Variants in SACM1L observed in about 807,000 individuals in gnomAD.
The protein encoded by SACM1L is phosphatidylinositol-3-phosphatase SAC1.
A neutral mutation model predicts 89.5 loss-of-function variants in SACM1L; 32 were observed. That is an observed-to-expected ratio of 0.36 (90% CI 0.27 to 0.48). The LOEUF (loss-of-function observed/expected upper bound fraction) is 0.48, where lower values mean the gene tolerates loss of function less well. SACM1L is among the 20% of genes least tolerant of loss of function. The pLI is 0.99. For missense variants in SACM1L, 543 were observed against 708.5 expected (o/e 0.77, Z 2.65); for synonymous variants, 213 against 232.8 (o/e 0.92, Z 0.77).
At chr3:45,697,268 CCT>C (rs1559535257) in intron 1 of SACM1L, among the ~76,000 whole-genome samples, 1 of 110,612 alleles carries the variant, frequency 9.0e-6, no homozygotes, top group Non-Finnish European at 1.8e-5. Context: ...CTTTTCTTTT[CCT>C]TTTTTTTTTT....
intron 11 of SACM1L, among the ~76,000 whole-genome samples, chr3:45,730,421 C>G (rs1322372223): frequency 6.6e-6 from 1 of 151,334 alleles, no homozygotes; most frequent in African/African-American, 2.4e-5. Flanking sequence ...TCACTGAGGT[C>G]TGTTCCTTTT....
In SACM1L at chr3:45,709,067, A is replaced by C. The variant is rs924978788; in HGVS notation, c.334-431A>C. Among the ~76,000 whole-genome samples, 23 of 152,272 alleles carry C rather than the reference A, an allele frequency of 1.5e-4. No homozygotes were observed. In the South Asian group the frequency reaches 4.8e-3, roughly 32 times the overall value. ...TAGTATCTTGTTATTTGCTGTTTGC[A>C]TTATTGGGCCCGTCGTAAATTTATG... On this transcript the variant is annotated intron_variant, in intron 4 of 19. Coordinates refer to ENST00000389061, the MANE Select transcript of SACM1L (RefSeq NM_014016.5).
At chr3:45,698,282 T>C (rs759722697) in intron 1 of SACM1L, among the ~76,000 whole-genome samples, 10 of 152,228 alleles carry the variant, frequency 6.6e-5, no homozygotes, top group Non-Finnish European at 1.3e-4. Flanking sequence ...CCTGCTGTTA[T>C]GGTTAACAGA....
intron 7 of SACM1L, among the ~76,000 whole-genome samples, 162 bp downstream of exon 7, chr3:45,714,241 G>GT (rs71619608): frequency 5.5e-4 from 5 of 9,134 alleles, no homozygotes; most frequent in Non-Finnish European, 1.0e-3. Context: ...TATTTTGTTT[G>GT]TTTTTTTTTT....
chr3:45,702,310 A>G (rs1038838390), intron 1 of SACM1L, among the ~76,000 whole-genome samples: 1 of 152,228 alleles, frequency 6.6e-6, no homozygotes, highest in Non-Finnish European at 1.5e-5. Flanking sequence ...AATGATGTCC[A>G]TGATGGTTGT....
At chr3:45,690,683 T>A (rs1409945453) in intron 1 of SACM1L, among the ~76,000 whole-genome samples, 1 of 152,212 alleles carries the variant, frequency 6.6e-6, no homozygotes, top group Non-Finnish European at 1.5e-5. Context: ...CTGTTTACTG[T>A]AATGTTCTTT....
rs760047046 is a variant in SACM1L, at chr3:45,719,494, G to C, written c.578-6G>C. 5.3e-6 allele frequency: 8 copies of C among 1,509,414 alleles called. No homozygotes were observed. The African/African-American group carries it at 6.9e-5, about 13-fold the overall frequency. 93.5% of individuals were successfully genotyped at this position (1,509,414 alleles called of 1,614,324 possible). ...TATATGTTATATTTTTCTTAATGTG[G>C]TTAAGTTATTACCATGCATTCATGT... On this transcript the variant is annotated splice_polypyrimidine_tract_variant and splice_region_variant and intron_variant, in intron 7 of 19. Transcript: ENST00000389061.
rs140198501 is a variant in SACM1L at position 45,738,899 on chromosome 3, A to G, written c.1569+26A>G. On this transcript the variant is annotated intron_variant, in intron 18 of 19. Coordinates refer to ENST00000389061, the MANE Select transcript of SACM1L (RefSeq NM_014016.5). ...GTAAGAAACCATTTTGTATTTTTCA[A>G]GTTTTTAAAAGCATTGTGTCTGAAG... 844 of 1,410,638 alleles carry G rather than the reference A, an allele frequency of 6.0e-4. 4 individuals are homozygous for G. In the African/African-American group the frequency reaches 7.9e-3, roughly 13 times the overall value. The allele number at this position is 1,410,638 out of a possible 1,614,324, so 87.4% of individuals were successfully genotyped here.
chr3:45,731,462 G>A, intron 12 of SACM1L, 82 bp downstream of exon 12: 1 of 813,486 alleles, frequency 1.2e-6, no homozygotes, highest in East Asian at 2.9e-5. Context: ...GAGCTCACTA[G>A]ACATATGTTT....
At chr3:45,703,611 C>A in intron 2 of SACM1L, 76 bp downstream of exon 2, 2 of 970,314 alleles carry the variant, frequency 2.1e-6, no homozygotes, top group Non-Finnish European at 3.2e-6. Context: ...AAACATCACT[C>A]AGAGGTGTGT....
At chr3:45,699,458 T>C (rs1037376018) in intron 1 of SACM1L, among the ~76,000 whole-genome samples, 3 of 86,762 alleles carry the variant, frequency 3.5e-5, no homozygotes, top group African/African-American at 9.3e-5. Flanking sequence ...TAAATTTATA[T>C]AAATTTTATA....
chr3:45,714,419 C>A (rs969431760), intron 7 of SACM1L, among the ~76,000 whole-genome samples: 2 of 152,038 alleles, frequency 1.3e-5, no homozygotes, highest in Non-Finnish European at 2.9e-5. Flanking sequence ...GAAAACTTTC[C>A]TAAGTACATA....
intron 1 of SACM1L, among the ~76,000 whole-genome samples, chr3:45,691,240 C>G (rs1697979872): frequency 6.6e-6 from 1 of 151,826 alleles, no homozygotes; most frequent in South Asian, 2.1e-4. Context: ...TTTTTTTCCC[C>G]CTGAAAAAAA....
intron 11 of SACM1L, among the ~76,000 whole-genome samples, chr3:45,725,233 G>A (rs1208410660): frequency 6.6e-6 from 1 of 152,054 alleles, no homozygotes; most frequent in Non-Finnish European, 1.5e-5. Flanking sequence ...AATGTCATTG[G>A]GATTTTAGTA....
At chr3:45,689,614 A>G (rs1697918242) in intron 1 of SACM1L, 117 bp downstream of exon 1, 6 of 1,256,168 alleles carry the variant, frequency 4.8e-6, no homozygotes, top group Non-Finnish European at 6.7e-6. Flanking sequence ...AGCTCCTCGC[A>G]TTTACCGGTT....
rs757559458 is a variant in SACM1L at position 45,739,562 on chromosome 3, G to A, written c.1570-25G>A. On this transcript the variant is annotated intron_variant, in intron 18 of 19. Transcript: ENST00000389061. ...CCATTGATTAGCATTCTTAAATGAT[G>A]ATCTCTTTCTATTGTCTTTTCCAGT... is the stretch of plus-strand genomic sequence containing the variant. 4 of 1,610,252 alleles carry A rather than the reference G, an allele frequency of 2.5e-6. No homozygotes were observed. In the African/African-American group the frequency reaches 4.0e-5, roughly 16 times the overall value.
At chr3:45,704,454 T>C (rs1698340667) in intron 2 of SACM1L, among the ~76,000 whole-genome samples, 1 of 152,196 alleles carries the variant, frequency 6.6e-6, no homozygotes, top group Admixed American at 6.5e-5. Flanking sequence ...GAATTAGAGC[T>C]CTGTTTTAGT....
chr3:45,737,250 A>G (rs1699221909), intron 14 of SACM1L: 1 of 276,764 alleles, frequency 3.6e-6, no homozygotes, highest in Middle Eastern at 1.0e-3. Context: ...GCAGTAGAAG[A>G]CTGGGGGTAA....
intron 4 of SACM1L, among the ~76,000 whole-genome samples, chr3:45,709,161 G>C (rs905620999): frequency 2.0e-5 from 3 of 152,184 alleles, no homozygotes; most frequent in African/African-American, 7.2e-5. Context: ...GGAATCTTTG[G>C]AAAATACCTG....
Sources: allele counts gnomAD v4.1 joint callset (sites outside exome capture counted in the v4.1 genomes callset), GRCh38; gene constraint gnomAD v4.1.1; transcripts MANE v1.5; gene names NCBI Gene and HGNC (gene_info 2026-07-23, HGNC 2026-07-21).